KRCC1: variants seen among roughly 807,000 people sequenced by gnomAD.
The protein encoded by KRCC1 is lysine-rich coiled-coil protein 1.
A neutral mutation model predicts 7.4 loss-of-function variants in KRCC1; 3 were observed. The observed-to-expected ratio is 0.40, with a 90% CI of 0.18 to 1.04. The LOEUF (loss-of-function observed/expected upper bound fraction) is 1.04, where lower values mean the gene tolerates loss of function less well. Ranked by LOEUF, KRCC1 falls within the 50% of genes least tolerant of loss-of-function variation. KRCC1 has a pLI of 0.33. For synonymous variants in KRCC1, 102 were observed against 101.6 expected, an observed-to-expected ratio of 1.00 and a Z score of -0.02; for missense variants, 277 against 300.9, an observed-to-expected ratio of 0.92 and a Z score of 0.59.
Position 88,027,765 on chromosome 2 carries a change from A to G in KRCC1, c.*19T>C. 6.4e-7 allele frequency: 1 copy of G among 1,551,276 alleles called. No homozygotes were observed. Among genetic ancestry groups the G allele is most frequent in the East Asian group, 2.3e-5 (1 of 44,328 alleles). ...CCTATTTTTTCAATTTAACTTTGGGAGAACCAACTTTGAAAGCTTCAAAAT... is the reference window on the plus strand; with the variant it reads ...CCTATTTTTTCAATTTAACTTTGGGGGAACCAACTTTGAAAGCTTCAAAAT... On this transcript the variant is annotated 3_prime_UTR_variant, in exon 4 of 4. Coordinates refer to ENST00000347055, the MANE Select transcript of KRCC1 (RefSeq NM_016618.3).
intron 1 of KRCC1, among the ~76,000 whole-genome samples, chr2:88,047,213 G>C (rs7587480): frequency 0.9 from 137,801 of 152,282 alleles, 62,720 homozygotes; most frequent in East Asian, 1. Flanking sequence ...TTTTGAACAT[G>C]TTTCTCACAA....
At chr2:88,043,403 T>C (rs903148123) in intron 1 of KRCC1, among the ~76,000 whole-genome samples, 12 of 152,258 alleles carry the variant, frequency 7.9e-5, no homozygotes, top group Non-Finnish European at 1.5e-4. Flanking sequence ...AGTATATTCC[T>C]GGCACAATCT....
At chr2:88,038,094 T>A (rs1355512494) in intron 1 of KRCC1, among the ~76,000 whole-genome samples, 1 of 152,202 alleles carries the variant, frequency 6.6e-6, no homozygotes, top group Non-Finnish European at 1.5e-5. Flanking sequence ...GGAAAAACAA[T>A]ATGTAGAACT....
Position 88,028,427 on chromosome 2 carries a change from T to A in KRCC1, c.137A>T (p.Tyr46Phe), listed in dbSNP as rs199586521. The A allele has an allele frequency of 7.1e-5, 114 of 1,614,056 alleles. No homozygotes were observed. The highest frequency in any genetic ancestry group is 9.1e-5 in the Non-Finnish European group (107 of 1,180,030). ...MKGDYLETCG[Y>F]KGEVNSRPTY... ...GGGTCTGGAATTAACCTCTCCTTTG[T>A]ACCCACAGGTTTCCAAATAGTCCCC... The change falls in exon 4 of 4, where the codon TAC becomes TTC. Residue 46 changes from tyrosine (Y) to phenylalanine (F), a missense_variant. Coordinates refer to ENST00000347055, the MANE Select transcript of KRCC1 (RefSeq NM_016618.3).
chr2:88,043,849 T>C (rs954473877), intron 1 of KRCC1, among the ~76,000 whole-genome samples: 1 of 152,244 alleles, frequency 6.6e-6, no homozygotes, highest in African/African-American at 2.4e-5. Context: ...TTTTTGTATT[T>C]TTTTAAGTAG....
chr2:88,053,882 C>T (rs901042361), intron 1 of KRCC1, among the ~76,000 whole-genome samples: 5 of 152,148 alleles, frequency 3.3e-5, no homozygotes, highest in Admixed American at 1.3e-4. Flanking sequence ...AATTATTCTA[C>T]AATATTCTGG....
intron 1 of KRCC1, among the ~76,000 whole-genome samples, chr2:88,037,851 A>G (rs1246907356): frequency 6.6e-6 from 1 of 152,248 alleles, no homozygotes; most frequent in African/African-American, 2.4e-5. Context: ...ACTTTTGCTG[A>G]AAGTGTTTCT....
At chr2:88,041,183 A>C (rs1437905991) in intron 1 of KRCC1, among the ~76,000 whole-genome samples, 2 of 152,116 alleles carry the variant, frequency 1.3e-5, no homozygotes, top group East Asian at 3.9e-4. Context: ...AGAATATGAG[A>C]GATATTCTAA....
intron 2 of KRCC1, among the ~76,000 whole-genome samples, chr2:88,035,131 T>G (rs1041812626): frequency 5.9e-5 from 9 of 152,324 alleles, no homozygotes; most frequent in Admixed American, 3.9e-4. Flanking sequence ...TTCGCTTGCT[T>G]TCAAATCAAA....
At chr2:88,037,838 A>G (rs1673123884) in intron 1 of KRCC1, among the ~76,000 whole-genome samples, 1 of 152,244 alleles carries the variant, frequency 6.6e-6, no homozygotes, top group Admixed American at 6.5e-5. Flanking sequence ...ATTAGCTTCT[A>G]CAACTTTTGC....
chr2:88,047,232 T>C (rs1461882744), intron 1 of KRCC1, among the ~76,000 whole-genome samples: 2 of 152,154 alleles, frequency 1.3e-5, no homozygotes, highest in African/African-American at 2.4e-5. Context: ...AAAACGCAAC[T>C]TGACGCTGAA....
At chr2:88,048,554 C>T (rs1293846404) in intron 1 of KRCC1, among the ~76,000 whole-genome samples, 1 of 152,066 alleles carries the variant, frequency 6.6e-6, no homozygotes, top group Non-Finnish European at 1.5e-5. Context: ...TACTTTACTC[C>T]CCTGCTGAAC....
rs764250815 is a variant in KRCC1, at chr2:88,027,863, C to T, written c.701G>A (p.Arg234His). 3.0e-5 allele frequency: 49 copies of T among 1,611,430 alleles called. No homozygotes were observed. The highest frequency in any genetic ancestry group is 1.2e-4 in the South Asian group (11 of 90,312). ...GCCTTGTTCCTTTTTCTTTTTTGTA[C>T]GCTTACGTTCCTCTTTCTTAGAGAC... is the stretch of plus-strand genomic sequence containing the variant. ...DVVSKKEERK[R>H]TKKKKEQGQE... is the part of the protein sequence containing the mutation. Residue 234 changes from arginine (R) to histidine (H), a missense_variant, in exon 4 of 4, where the codon CGT (arginine) becomes CAT (histidine). Physicochemically the swap from Arg to His is conservative, Grantham distance 29. Coordinates refer to ENST00000347055, the MANE Select transcript of KRCC1 (RefSeq NM_016618.3).
intron 1 of KRCC1, among the ~76,000 whole-genome samples, chr2:88,045,656 AG>A (rs1171921756): frequency 1.3e-5 from 2 of 151,916 alleles, no homozygotes; most frequent in Admixed American, 6.6e-5. Context: ...GTTTCATGGG[AG>A]CATACACCTA....
intron 3 of KRCC1, among the ~76,000 whole-genome samples, chr2:88,031,954 C>T (rs1367707198): frequency 1.3e-5 from 2 of 151,850 alleles, no homozygotes; most frequent in Admixed American, 1.3e-4. Flanking sequence ...ACCAGCCTGG[C>T]CGACATGGTG....
At chr2:88,047,459 A>G (rs1673362940) in intron 1 of KRCC1, among the ~76,000 whole-genome samples, 1 of 152,196 alleles carries the variant, frequency 6.6e-6, no homozygotes, top group Non-Finnish European at 1.5e-5. Context: ...ATTTGAATAA[A>G]AAATGTAATA....
At chr2:88,053,350 A>G (rs1673539227) in intron 1 of KRCC1, among the ~76,000 whole-genome samples, 1 of 152,142 alleles carries the variant, frequency 6.6e-6, no homozygotes, top group African/African-American at 2.4e-5. Context: ...ACATCTTTTA[A>G]AGTCTTTTGC....
At chr2:88,028,635 TCC>T (rs1443214779) in intron 3 of KRCC1, 50 bp from the exon 4 acceptor site, 104 of 994,136 alleles carry the variant, frequency 1.0e-4, no homozygotes, top group Admixed American at 8.6e-5. Flanking sequence ...CCTGAGCATT[TCC>T]TTTGCTCTTT....
chr2:88,036,224 G>A (rs1573076913), intron 2 of KRCC1, among the ~76,000 whole-genome samples: 1 of 152,166 alleles, frequency 6.6e-6, no homozygotes, highest in Admixed American at 6.5e-5. Context: ...AGCTCATCCA[G>A]GTCTCAGAGC....
Sources: gnomAD v4.1 joint callset for allele counts (sites outside exome capture counted in the v4.1 genomes callset) on GRCh38, gnomAD v4.1.1 for gene constraint, MANE v1.5 for transcripts, NCBI Gene and HGNC (gene_info 2026-07-23, HGNC 2026-07-21) for gene names.